The following PANK1 variants were observed in gnomAD, a reference collection of about 807,000 sequenced individuals.
The protein encoded by PANK1 is pantothenic acid kinase 1.
A neutral mutation model predicts 40.1 loss-of-function variants in PANK1; 18 were observed. That is an observed-to-expected ratio of 0.45 (90% CI 0.31 to 0.67). The LOEUF is 0.67. PANK1 is among the 30% of genes least tolerant of loss of function. The probability of loss-of-function intolerance (pLI) is 0.06; values close to 1 mark genes in which losing one functional copy is unlikely to be tolerated. For synonymous variants in PANK1, 242 were observed against 237.7 expected (o/e 1.02, Z -0.17); for missense variants, 457 against 599.6 (o/e 0.76, Z 2.48).
intron 1 of PANK1, among the ~76,000 whole-genome samples, chr10:89,641,645 T>C (rs1350879872): frequency 6.6e-6 from 1 of 152,044 alleles, no homozygotes; most frequent in Non-Finnish European, 1.5e-5. Flanking sequence ...GGCAGGAGAA[T>C]GGCGTGAAGC....
intron 1 of PANK1, among the ~76,000 whole-genome samples, chr10:89,633,359 T>C (rs941741546): frequency 6.6e-5 from 10 of 152,144 alleles, no homozygotes; most frequent in Non-Finnish European, 1.3e-4. Flanking sequence ...TAATGAAATA[T>C]TACATGATCA....
At chr10:89,625,854 C>G (rs896691124) in intron 1 of PANK1, 1 of 152,146 alleles carries the variant, frequency 6.6e-6, no homozygotes, top group African/African-American at 2.4e-5. Context: ...TAAGATGAAG[C>G]TAGAGATGAG....
intron 2 of PANK1, among the ~76,000 whole-genome samples, chr10:89,610,453 G>A (rs537927601): frequency 8.1e-6 from 1 of 123,996 alleles, no homozygotes; most frequent in African/African-American, 2.8e-5. Flanking sequence ...GTAATAGGAG[G>A]GGACATAGAA....
chr10:89,644,570 C>T, intron 1 of PANK1, 30 bp downstream of exon 1: 1 of 1,565,128 alleles, frequency 6.4e-7, no homozygotes. Context: ...GTCTGCCTTG[C>T]GCCCGCGCTC....
intron 1 of PANK1, among the ~76,000 whole-genome samples, chr10:89,616,589 T>C (rs730287): frequency 0.15 from 23,067 of 151,990 alleles, 2,198 homozygotes; most frequent in East Asian, 0.45. Context: ...TGTGAATAGT[T>C]GCTGCACTCT....
intron 1 of PANK1, chr10:89,614,060 C>T: frequency 2.2e-6 from 1 of 456,332 alleles, no homozygotes; most frequent in South Asian, 1.5e-5. Flanking sequence ...CAAGTAACCC[C>T]AATCATAAAG....
intron 3 of PANK1, among the ~76,000 whole-genome samples, chr10:89,595,766 G>A (rs1322224659): frequency 3.6e-5 from 5 of 138,774 alleles, no homozygotes; most frequent in Admixed American, 1.5e-4. Flanking sequence ...GTAGTGAGCC[G>A]AGATTGCACC....
intron 1 of PANK1, among the ~76,000 whole-genome samples, chr10:89,633,515 A>T (rs1469153054): frequency 1.4e-5 from 2 of 147,184 alleles, no homozygotes; most frequent in Admixed American, 1.4e-4. Flanking sequence ...CACCCTAAAA[A>T]CATTAACAGC....
intron 1 of PANK1, among the ~76,000 whole-genome samples, chr10:89,640,403 A>G (rs1841937196): frequency 6.6e-6 from 1 of 151,798 alleles, no homozygotes; most frequent in African/African-American, 2.4e-5. Context: ...ACACACACAC[A>G]CACACACACA....
intron 6 of PANK1, 95 bp downstream of exon 6, chr10:89,588,557 T>C: frequency 1.1e-6 from 1 of 943,390 alleles, no homozygotes; most frequent in Non-Finnish European, 1.5e-6. Context: ...ACTTTTCTAC[T>C]TGACCAATTT....
rs146616899 is a variant in PANK1, at chr10:89,611,777, G to T, written c.564C>A (p.Ser188Arg). 1 of 1,614,188 alleles carries T rather than the reference G, an allele frequency of 6.2e-7. No homozygotes were observed. Among genetic ancestry groups the T allele is most frequent in the East Asian group, 2.2e-5 (1 of 44,878 alleles). ...TGTGAAGGCTAGAGAAGTTCTTCTCGCTGCCCATCTGAATGAACCTGTGCA... is the reference window on the plus strand; with the variant it reads ...TGTGAAGGCTAGAGAAGTTCTTCTCTCTGCCCATCTGAATGAACCTGTGCA... ...CAMHRFIQMG[S>R]EKNFSSLHTT... Residue 188 changes from serine to arginine, a missense_variant, in exon 2 of 7, where the codon AGC becomes AGA. By Grantham distance (110) the Ser-to-Arg change is moderately radical. Around this residue, in one of 4 missense-constraint regions of PANK1, gnomAD observed 286 missense variants for 415.8 expected, o/e 0.69. Transcript: ENST00000307534.
chr10:89,595,899 T>C (rs1445972413), intron 3 of PANK1, among the ~76,000 whole-genome samples: 4 of 138,934 alleles, frequency 2.9e-5, no homozygotes, highest in South Asian at 4.8e-4. Context: ...TATATATATG[T>C]ACACACACAC....
At chr10:89,593,639 A>C (rs1844475387) in intron 4 of PANK1, among the ~76,000 whole-genome samples, 174 bp downstream of exon 4, 1 of 152,228 alleles carries the variant, frequency 6.6e-6, no homozygotes, top group Admixed American at 6.5e-5. Flanking sequence ...ACAAGCATCA[A>C]GAGCTAAACA....
At chr10:89,611,276 T>G (rs1388237511) in intron 2 of PANK1, among the ~76,000 whole-genome samples, 1 of 152,220 alleles carries the variant, frequency 6.6e-6, no homozygotes, top group Non-Finnish European at 1.5e-5. Context: ...GAAGTAATCA[T>G]TTTTGGTAGG....
At chr10:89,612,201 T>C (rs1555880) in intron 1 of PANK1, among the ~76,000 whole-genome samples, 153 bp from the exon 2 acceptor site, 82,364 of 152,044 alleles carry the variant, frequency 0.54, 23,220 homozygotes, top group South Asian at 0.63. Flanking sequence ...GCCTAAAAGG[T>C]GGCACAGACA....
chr10:89,636,668 G>T (rs772881910), intron 1 of PANK1, among the ~76,000 whole-genome samples: 1 of 151,480 alleles, frequency 6.6e-6, no homozygotes, highest in Non-Finnish European at 1.5e-5. Flanking sequence ...AGCCAGGATG[G>T]TCTCGATCTC....
At chr10:89,585,971 T>C (rs552955795) in intron 6 of PANK1, among the ~76,000 whole-genome samples, 32 of 152,318 alleles carry the variant, frequency 2.1e-4, no homozygotes, top group African/African-American at 7.7e-4. Flanking sequence ...TGAGTTATGA[T>C]ATAGGGTAAC....
chr10:89,628,949 CTA>C (rs1841553461), intron 1 of PANK1, among the ~76,000 whole-genome samples: 1 of 152,130 alleles, frequency 6.6e-6, no homozygotes, highest in Non-Finnish European at 1.5e-5. Context: ...TTATAGTTTT[CTA>C]TGTCTTGCTT....
At chr10:89,628,738 C>T (rs1486373125) in intron 1 of PANK1, among the ~76,000 whole-genome samples, 1 of 151,916 alleles carries the variant, frequency 6.6e-6, no homozygotes, top group Non-Finnish European at 1.5e-5. Context: ...TATACCAGTT[C>T]TTAAAGATAA....
Sources: allele counts gnomAD v4.1 joint callset (sites outside exome capture counted in the v4.1 genomes callset), GRCh38; gene constraint gnomAD v4.1.1; regional missense constraint gnomAD v4.1.1; transcripts MANE v1.5; gene names NCBI Gene and HGNC (gene_info 2026-07-23, HGNC 2026-07-21).